DKK4: variants seen among roughly 807,000 people sequenced by gnomAD.
DKK4 encodes the protein dickkopf Wnt signaling pathway inhibitor 4, also known as dickkopf-related protein 4.
In DKK4, 15 loss-of-function variants were observed where a neutral mutation model predicts 14.5. The observed-to-expected ratio is 1.03, with a 90% CI of 0.69 to 1.59. DKK4 has a LOEUF of 1.59. Among genes scored for constraint, DKK4 ranks in the 40% most tolerant of loss-of-function variants. The pLI, the probability that DKK4 is intolerant of heterozygous loss-of-function variation, is 0.00. For synonymous variants in DKK4, 89 were observed against 105.2 expected (o/e 0.85, Z 0.94); for missense variants, 272 against 280.3 (o/e 0.97, Z 0.21).
At chr8:42,380,742 T>A (rs1419580358), upstream of DKK4, among the ~76,000 whole-genome samples, 2,128 of 66,974 alleles carry the variant, frequency 0.032, no homozygotes, top group Middle Eastern at 0.11. Context: ...AAGGAGAGAG[T>A]GGAAAGAGAG....
chr8:42,389,882 A>T, the DKK4 span, among the ~76,000 whole-genome samples: 3 of 150,744 alleles, frequency 2.0e-5, no homozygotes, highest in African/African-American at 7.4e-5. Context: ...ACCAACGTAC[A>T]CTATCCTTAG....
chr8:42,378,720 C>T (rs772274373), upstream of DKK4, among the ~76,000 whole-genome samples: 5 of 151,966 alleles, frequency 3.3e-5, no homozygotes, highest in Non-Finnish European at 5.9e-5. Flanking sequence ...AAAGAACTGA[C>T]GGGAACTCCT....
At chr8:42,388,375 A>G in the DKK4 span, among the ~76,000 whole-genome samples, 3 of 151,488 alleles carry the variant, frequency 2.0e-5, no homozygotes, top group Non-Finnish European at 4.4e-5. Flanking sequence ...TACTACAGGC[A>G]TGTGCCACCA....
the DKK4 span, among the ~76,000 whole-genome samples, chr8:42,383,939 T>C: frequency 2.2e-4 from 34 of 152,164 alleles, no homozygotes; most frequent in Non-Finnish European, 4.1e-4. Flanking sequence ...CAAGACTCTG[T>C]CTCAAAAAAG....
At chr8:42,377,861 T>C (rs1824593375), upstream of DKK4, among the ~76,000 whole-genome samples, 1 of 152,214 alleles carries the variant, frequency 6.6e-6, no homozygotes, top group Non-Finnish European at 1.5e-5. Context: ...ATTAGGAAAA[T>C]AATGTAATTT....
the DKK4 span, among the ~76,000 whole-genome samples, chr8:42,390,556 G>T: frequency 6.6e-6 from 1 of 150,498 alleles, no homozygotes; most frequent in Non-Finnish European, 1.5e-5. Context: ...GTAGAGGCGG[G>T]GTTTCACTGT....
chr8:42,382,569 C>T, the DKK4 span, among the ~76,000 whole-genome samples: 2 of 152,228 alleles, frequency 1.3e-5, no homozygotes, highest in South Asian at 4.1e-4. Flanking sequence ...GCCTCCTGAG[C>T]GGCACCTGGA....
Position 42,375,692 on chromosome 8 carries a change from G to A in DKK4, c.250C>T (p.Leu84Phe). The A allele has an allele frequency of 6.2e-7, 1 of 1,613,498 alleles. No homozygotes were observed. The highest frequency in any genetic ancestry group is 8.5e-7 in the Non-Finnish European group (1 of 1,180,024). The change falls in exon 2 of 4, where the codon CTC becomes TTC. Residue 84 changes from leucine to phenylalanine, a missense_variant. Coordinates refer to ENST00000220812, the MANE Select transcript of DKK4 (RefSeq NM_014420.3). ...QRDAMCCPGT[L>F]CVNDVCTTME... is the part of the protein sequence containing the mutation. ...TTATGTCGCTCACCGTTCACACAGA[G>A]TGTCCCAGGGCAGCACATGGCATCT...
the DKK4 span, among the ~76,000 whole-genome samples, chr8:42,385,184 T>C: frequency 6.6e-6 from 1 of 151,998 alleles, no homozygotes; most frequent in Admixed American, 6.6e-5. Context: ...TTGAGCCCAG[T>C]AGTTTAAGAC....
intron 2 of DKK4, among the ~76,000 whole-genome samples, chr8:42,375,221 C>A (rs2130872490): frequency 6.6e-6 from 1 of 152,224 alleles, no homozygotes; most frequent in Non-Finnish European, 1.5e-5. Context: ...AGAGCTGTTG[C>A]CAGGAAATAA....
chr8:42,379,395 A>G (rs1824628564), upstream of DKK4, among the ~76,000 whole-genome samples: 1 of 109,042 alleles, frequency 9.2e-6, no homozygotes, highest in Non-Finnish European at 2.0e-5. Flanking sequence ...AGAGAGAGAG[A>G]GAGAGAGAGA....
At chr8:42,381,702 A>G (rs1242138813), upstream of DKK4, among the ~76,000 whole-genome samples, 2 of 152,194 alleles carry the variant, frequency 1.3e-5, no homozygotes, top group African/African-American at 4.8e-5. Context: ...CTCTACAACT[A>G]GACCATGAGC....
chr8:42,380,692 AAAG>A (rs1014479174), upstream of DKK4, among the ~76,000 whole-genome samples: 35 of 150,000 alleles, frequency 2.3e-4, no homozygotes, highest in African/African-American at 2.9e-4. Context: ...AAAGAAAAGA[AAAG>A]AAAAAAGGGA....
At chr8:42,384,797 C>A in the DKK4 span, among the ~76,000 whole-genome samples, 6 of 152,210 alleles carry the variant, frequency 3.9e-5, no homozygotes, top group Admixed American at 6.5e-5. Flanking sequence ...AAAGTTCATT[C>A]TTTCCTCTAT....
At chr8:42,378,634 G>A (rs901667324), upstream of DKK4, among the ~76,000 whole-genome samples, 4 of 151,972 alleles carry the variant, frequency 2.6e-5, no homozygotes, top group African/African-American at 9.7e-5. Flanking sequence ...TGTCTCTGCC[G>A]GGTTTCTCTG....
At chr8:42,386,303 C>G in the DKK4 span, among the ~76,000 whole-genome samples, 1 of 152,310 alleles carries the variant, frequency 6.6e-6, no homozygotes, top group African/African-American at 2.4e-5. Context: ...ACAATACACA[C>G]ACACACACAC....
At chr8:42,376,647 T>C (rs1824570521) in intron 1 of DKK4, among the ~76,000 whole-genome samples, 1 of 152,164 alleles carries the variant, frequency 6.6e-6, no homozygotes, top group Non-Finnish European at 1.5e-5. Flanking sequence ...ACATGACGTA[T>C]TACATGTAAA....
intron 3 of DKK4, 106 bp from the exon 4 acceptor site, chr8:42,374,465 T>A: frequency 6.9e-7 from 1 of 1,455,426 alleles, no homozygotes; most frequent in Non-Finnish European, 9.4e-7. Flanking sequence ...AGCCACAAAG[T>A]AAAAACAGAC....
At chr8:42,390,402 C>T in the DKK4 span, among the ~76,000 whole-genome samples, 1 of 123,432 alleles carries the variant, frequency 8.1e-6, no homozygotes, top group South Asian at 2.6e-4. Context: ...CTCGCTCTGT[C>T]GCCCAGGCTG....
Sources: allele counts gnomAD v4.1 joint callset (sites outside exome capture counted in the v4.1 genomes callset), GRCh38; gene constraint gnomAD v4.1.1; transcripts MANE v1.5; gene names NCBI Gene and HGNC (gene_info 2026-07-23, HGNC 2026-07-21).